CNTN4: variants seen among roughly 807,000 people sequenced by gnomAD.
CNTN4 encodes contactin 4, also known as contactin-4.
A neutral mutation model predicts 122.5 loss-of-function variants in CNTN4; 77 were observed. The observed-to-expected ratio is 0.63, with a 90% confidence interval of 0.52 to 0.76. The LOEUF is 0.76. Among genes scored for constraint, CNTN4 ranks in the 30% least tolerant of loss-of-function variants. The probability of loss-of-function intolerance (pLI) is 0.00; values close to 1 mark genes in which losing one functional copy is unlikely to be tolerated. For missense variants in CNTN4, 1,256 were observed against 1,259.1 expected (o/e 1.00, Z 0.04); for synonymous variants, 512 against 447.0 (o/e 1.15, Z -1.83).
At position 2,398,906 on chromosome 3, in the gene CNTN4, A is replaced by G. The variant is rs115725752; in HGVS notation, c.-89+59673A>G. Reference sequence around the variant, plus strand: ...TTGGATTTGCAATAAACTATAGAATATGGAGGCTCAGGCGTTTCCATATAT... The same window carrying G: ...TTGGATTTGCAATAAACTATAGAATGTGGAGGCTCAGGCGTTTCCATATAT... On this transcript the variant is annotated intron_variant, in intron 3 of 24. Coordinates refer to ENST00000418658, the MANE Select transcript of CNTN4 (RefSeq NM_175607.3). Among the ~76,000 whole-genome samples the G allele has an allele frequency of 4.2e-3, 632 of 152,264 alleles. 6 individuals carry two copies. Among genetic ancestry groups the G allele is most frequent in the African/African-American group, 0.015 (615 of 41,568 alleles).
intron 3 of CNTN4, among the ~76,000 whole-genome samples, chr3:2,365,504 A>C (rs1261072057): frequency 6.6e-6 from 1 of 152,214 alleles, no homozygotes; most frequent in Non-Finnish European, 1.5e-5. Flanking sequence ...TGTTCTACAC[A>C]GTTAATAATA....
intron 2 of CNTN4, among the ~76,000 whole-genome samples, chr3:2,243,703 C>G (rs1436347847): frequency 6.6e-6 from 1 of 151,944 alleles, no homozygotes; most frequent in East Asian, 1.9e-4. Context: ...TTAAATAATG[C>G]TTTTCTCAAT....
chr3:2,500,940 C>G (rs1006009209), intron 3 of CNTN4, among the ~76,000 whole-genome samples: 9 of 151,990 alleles, frequency 5.9e-5, no homozygotes, highest in Non-Finnish European at 1.2e-4. Context: ...TTTTTTCCCC[C>G]CCGCACAATG....
chr3:2,465,506 G>A (rs771153518), intron 3 of CNTN4, among the ~76,000 whole-genome samples: 5 of 151,818 alleles, frequency 3.3e-5, no homozygotes, highest in Non-Finnish European at 5.9e-5. Flanking sequence ...GTGAAACCCC[G>A]TCTCTCCTAA....
chr3:2,792,289 T>C (rs1454365273), intron 6 of CNTN4, among the ~76,000 whole-genome samples: 1 of 152,328 alleles, frequency 6.6e-6, no homozygotes, highest in Admixed American at 6.5e-5. Flanking sequence ...TTATACTGTC[T>C]GAATCAAATA....
chr3:2,143,595 A>T (rs1054922003), intron 2 of CNTN4, among the ~76,000 whole-genome samples: 32 of 152,310 alleles, frequency 2.1e-4, no homozygotes, highest in African/African-American at 7.7e-4. Flanking sequence ...TCCTCTTATT[A>T]TACCATTCTA....
intron 13 of CNTN4, among the ~76,000 whole-genome samples, chr3:2,938,150 G>C (rs989073128): frequency 6.6e-6 from 1 of 152,130 alleles, no homozygotes; most frequent in Non-Finnish European, 1.5e-5. Context: ...TTGATCTCTC[G>C]TTATATCACT....
chr3:2,671,619 C>A (rs1576409963), intron 4 of CNTN4, among the ~76,000 whole-genome samples: 1 of 152,152 alleles, frequency 6.6e-6, no homozygotes, highest in East Asian at 1.9e-4. Flanking sequence ...CTGCTTTGTT[C>A]TGTTGCTGGT....
At chr3:2,149,137 T>C (rs1340939431) in intron 2 of CNTN4, among the ~76,000 whole-genome samples, 1 of 152,188 alleles carries the variant, frequency 6.6e-6, no homozygotes. Flanking sequence ...TCCCAGTGTG[T>C]GAAGCTTTTG....
At chr3:2,198,301 T>C (rs2037941257) in intron 2 of CNTN4, among the ~76,000 whole-genome samples, 1 of 152,200 alleles carries the variant, frequency 6.6e-6, no homozygotes, top group African/African-American at 2.4e-5. Flanking sequence ...CAAAAAATAA[T>C]GACTTTGGAT....
chr3:2,505,978 A>G (rs546140670), intron 3 of CNTN4, among the ~76,000 whole-genome samples: 1 of 152,250 alleles, frequency 6.6e-6, no homozygotes, highest in East Asian at 1.9e-4. Flanking sequence ...TAAAATATAT[A>G]TAAGGACAGG....
At chr3:2,423,152 C>T (rs1409079347) in intron 3 of CNTN4, among the ~76,000 whole-genome samples, 1 of 152,192 alleles carries the variant, frequency 6.6e-6, no homozygotes, top group African/African-American at 2.4e-5. Context: ...AAGTGGTGTT[C>T]CTAAGAAGCT....
Position 2,736,334 on chromosome 3 carries a change from C to A in CNTN4, c.175C>A (p.His59Asn), listed in dbSNP as rs777082764. Residue 59 changes from histidine (H) to asparagine (N), a missense_variant, in exon 5 of 25, where the codon CAT becomes AAT. Physicochemically the swap from His to Asn is moderately conservative, Grantham distance 68. Coordinates refer to ENST00000418658, the MANE Select transcript of CNTN4 (RefSeq NM_175607.3). ...NCEVKGNPKPHIRWKLNGTDV... is the reference protein window; with the variant it reads ...NCEVKGNPKPNIRWKLNGTDV... ...TGAAGTTAAAGGAAATCCAAAACCT[C>A]ATATCAGGTTTGTTGATGTAAAAGC... The A allele has an allele frequency of 1.3e-5, 21 of 1,613,388 alleles. No homozygotes were observed. In the Admixed American group the frequency reaches 3.3e-4, roughly 26 times the overall value.
At chr3:3,052,274 G>A (rs9990406) in intron 23 of CNTN4, among the ~76,000 whole-genome samples, 13,866 of 152,094 alleles carry the variant, frequency 0.091, 752 homozygotes, top group Admixed American at 0.11. Flanking sequence ...TTGTTGCGGG[G>A]CTGCTCTGTG....
At chr3:2,146,274 TA>T (rs536937334) in intron 2 of CNTN4, among the ~76,000 whole-genome samples, 55 of 151,728 alleles carry the variant, frequency 3.6e-4, no homozygotes, top group African/African-American at 1.1e-3. Context: ...CTGCTGTTAA[TA>T]TTTTTTTTTT....
At chr3:2,808,867 G>C (rs560893217) in intron 6 of CNTN4, among the ~76,000 whole-genome samples, 1 of 152,176 alleles carries the variant, frequency 6.6e-6, no homozygotes, top group Non-Finnish European at 1.5e-5. Context: ...AGCATACAAA[G>C]GTCCTTTGTA....
rs971831107 is a variant in CNTN4 at position 2,709,244 on chromosome 3, A to G, written c.56-26971A>G. On this transcript the variant is annotated intron_variant, in intron 4 of 24. Coordinates refer to ENST00000418658, the MANE Select transcript of CNTN4 (RefSeq NM_175607.3). This position sits in a 1 kb window ranked among gnomAD's most constrained non-coding sequence, Gnocchi z 5.0. Reference sequence around the variant, plus strand: ...TTCTTTTAGAATAAAGAATGTATTTATAGTTTTGTTTTGTTTTTAAATCTT... The same window carrying G: ...TTCTTTTAGAATAAAGAATGTATTTGTAGTTTTGTTTTGTTTTTAAATCTT... 1.2e-4 allele frequency among the ~76,000 whole-genome samples: 18 copies of G among 152,208 alleles called. No homozygotes were observed. The highest frequency in any genetic ancestry group is 2.1e-4 in the Non-Finnish European group (14 of 68,028).
At chr3:2,216,389 G>A (rs1032464115) in intron 2 of CNTN4, among the ~76,000 whole-genome samples, 4 of 152,116 alleles carry the variant, frequency 2.6e-5, no homozygotes, top group Non-Finnish European at 5.9e-5. Flanking sequence ...TCTACTTGAG[G>A]GTGGAGGGTG....
At chr3:2,170,134 A>C (rs917340155) in intron 2 of CNTN4, among the ~76,000 whole-genome samples, 1 of 151,776 alleles carries the variant, frequency 6.6e-6, no homozygotes, top group Non-Finnish European at 1.5e-5. Context: ...ATCCTGGCTA[A>C]CACGGTGAAA....
Sources: gnomAD v4.1 joint callset for allele counts (sites outside exome capture counted in the v4.1 genomes callset) on GRCh38, gnomAD v4.1.1 for gene constraint, Gnocchi (gnomAD v3.1) non-coding constraint, MANE v1.5 for transcripts, NCBI Gene and HGNC (gene_info 2026-07-23, HGNC 2026-07-21) for gene names.